Variants in PAPPA2 observed in about 807,000 individuals in gnomAD.
The protein encoded by PAPPA2 is pappalysin-2.
A neutral mutation model predicts 176.4 loss-of-function variants in PAPPA2; 86 were observed. The observed-to-expected ratio is 0.49, with a 90% CI of 0.41 to 0.58. The LOEUF is 0.58. Among genes scored for constraint, PAPPA2 ranks in the 20% least tolerant of loss-of-function variants. The pLI, the probability that PAPPA2 is intolerant of heterozygous loss-of-function variation, is 0.00. For synonymous variants in PAPPA2, 809 were observed against 852.2 expected (o/e 0.95, Z 0.88); for missense variants, 2,073 against 2,256.9 (o/e 0.92, Z 1.65).
At chr1:176,691,789 G>A (rs757017769) in intron 5 of PAPPA2, among the ~76,000 whole-genome samples, 3 of 152,152 alleles carry the variant, frequency 2.0e-5, no homozygotes, top group East Asian at 1.9e-4. Context: ...CTCCACAAAC[G>A]TTCACAAGTG....
intron 21 of PAPPA2, among the ~76,000 whole-genome samples, chr1:176,812,040 C>T (rs2861812): frequency 0.46 from 70,294 of 151,768 alleles, 16,589 homozygotes; most frequent in East Asian, 0.72. Context: ...CCTCTGGAGC[C>T]GTGCTGTGAC....
chr1:176,808,302 G>A (rs1003830406), intron 21 of PAPPA2, among the ~76,000 whole-genome samples: 4 of 152,178 alleles, frequency 2.6e-5, no homozygotes, highest in African/African-American at 9.7e-5. Flanking sequence ...TGCTTCTAAT[G>A]CAAGTGGTCT....
intron 4 of PAPPA2, among the ~76,000 whole-genome samples, chr1:176,684,582 G>A (rs1208546821): frequency 6.6e-6 from 1 of 151,992 alleles, no homozygotes; most frequent in Non-Finnish European, 1.5e-5. Flanking sequence ...TATTTTATCT[G>A]TCATCTGTGT....
intron 1 of PAPPA2, among the ~76,000 whole-genome samples, chr1:176,478,936 G>C (rs2102475710): frequency 6.6e-6 from 1 of 152,300 alleles, no homozygotes; most frequent in South Asian, 2.1e-4. Context: ...GCTGGATCAA[G>C]TTGGATGGAG....
intron 15 of PAPPA2, among the ~76,000 whole-genome samples, chr1:176,769,229 C>CCG (rs1664111774): frequency 6.6e-6 from 1 of 152,204 alleles, no homozygotes; most frequent in Admixed American, 6.5e-5. Flanking sequence ...GCTGCTGACA[C>CCG]TGTGTCCTGG....
chr1:176,721,402 C>G lies in PAPPA2; in HGVS notation c.3798+9421C>G, dbSNP rs192708535. Among the ~76,000 whole-genome samples the G allele has an allele frequency of 6.0e-4, 92 of 152,284 alleles. 1 individual carries two copies. The highest frequency in any genetic ancestry group is 5.1e-4 in the Non-Finnish European group (35 of 68,026). On this transcript the variant is annotated intron_variant, in intron 12 of 22. Coordinates refer to ENST00000367662, the MANE Select transcript of PAPPA2 (RefSeq NM_020318.3). ...CTTTAATCCTTTCTACATTTCTATG[C>G]TTCCACTATTTTTGTTTAGCTTGAG... is the stretch of plus-strand genomic sequence containing the variant.
intron 21 of PAPPA2, among the ~76,000 whole-genome samples, chr1:176,811,171 ATG>A (rs1360144920): frequency 6.6e-6 from 1 of 152,216 alleles, no homozygotes; most frequent in African/African-American, 2.4e-5. Flanking sequence ...TCACTTGAGT[ATG>A]TCTCTATGAA....
At chr1:176,719,966 C>T (rs1175092766) in intron 12 of PAPPA2, among the ~76,000 whole-genome samples, 3 of 152,156 alleles carry the variant, frequency 2.0e-5, no homozygotes, top group Non-Finnish European at 4.4e-5. Context: ...ATTGGTCACC[C>T]ATCATTATTC....
chr1:176,502,687 G>A (rs895751818), intron 1 of PAPPA2, among the ~76,000 whole-genome samples: 1 of 152,192 alleles, frequency 6.6e-6, no homozygotes, highest in African/African-American at 2.4e-5. Context: ...TATGGAAGGT[G>A]TGCATGGCAA....
intron 14 of PAPPA2, among the ~76,000 whole-genome samples, chr1:176,745,513 T>G (rs943688105): frequency 2.0e-5 from 3 of 152,164 alleles, no homozygotes; most frequent in African/African-American, 7.2e-5. Context: ...TTAACCCCAG[T>G]ACCATCCCAT....
At chr1:176,671,340 T>C (rs1658986727) in intron 4 of PAPPA2, among the ~76,000 whole-genome samples, 1 of 152,250 alleles carries the variant, frequency 6.6e-6, no homozygotes, top group Non-Finnish European at 1.5e-5. Flanking sequence ...CAGGATGTTC[T>C]AGACTGAATC....
rs558215338 is a variant in PAPPA2, at chr1:176,508,772, T to A, written c.-917+45354T>A. Among the ~76,000 whole-genome samples the A allele has an allele frequency of 2.6e-5, 4 of 151,892 alleles. No individual in the cohort carries two copies. In the South Asian group the frequency reaches 8.3e-4, roughly 32 times the overall value. ...TGATAGTGAGTGAGTTCTTATGAGA[T>A]CATTTTGTTTAAAAGTGTAACACTG... On this transcript the variant is annotated intron_variant, in intron 1 of 22. Transcript: ENST00000367662.
At chr1:176,584,049 T>C (rs959886886) in intron 2 of PAPPA2, among the ~76,000 whole-genome samples, 3 of 152,128 alleles carry the variant, frequency 2.0e-5, no homozygotes, top group Non-Finnish European at 2.9e-5. Flanking sequence ...CTCGAAAAAA[T>C]ATTGTATTGA....
chr1:176,720,135 A>G (rs912606305), intron 12 of PAPPA2, among the ~76,000 whole-genome samples: 3 of 152,196 alleles, frequency 2.0e-5, no homozygotes, highest in African/African-American at 7.2e-5. Flanking sequence ...ATATTCATCC[A>G]TATGGGAACT....
chr1:176,622,712 A>G (rs1655664241), intron 3 of PAPPA2, among the ~76,000 whole-genome samples: 2 of 152,184 alleles, frequency 1.3e-5, no homozygotes, highest in Admixed American at 6.5e-5. Context: ...TGTGCTTAGT[A>G]TGATATAGTG....
At chr1:176,620,273 T>C (rs1000341450) in intron 3 of PAPPA2, among the ~76,000 whole-genome samples, 4 of 152,142 alleles carry the variant, frequency 2.6e-5, no homozygotes, top group Admixed American at 1.3e-4. Context: ...TTTCAATATA[T>C]ACATTTTTTT....
chr1:176,719,894 T>A (rs1206943310), intron 12 of PAPPA2, among the ~76,000 whole-genome samples: 2 of 152,226 alleles, frequency 1.3e-5, no homozygotes, highest in African/African-American at 4.8e-5. Flanking sequence ...TTAGTTTCTG[T>A]GTGAATGAAA....
intron 1 of PAPPA2, among the ~76,000 whole-genome samples, chr1:176,545,623 A>G (rs1479801611): frequency 6.6e-6 from 1 of 152,112 alleles, no homozygotes; most frequent in Non-Finnish European, 1.5e-5. Context: ...TTATATGCCA[A>G]TACTACATCA....
intron 1 of PAPPA2, among the ~76,000 whole-genome samples, chr1:176,468,447 G>A (rs1651724182): frequency 6.6e-6 from 1 of 152,112 alleles, no homozygotes; most frequent in African/African-American, 2.4e-5. Context: ...AACTCTTTAT[G>A]GATACCTTTC....
Sources: gnomAD v4.1 joint callset for allele counts (sites outside exome capture counted in the v4.1 genomes callset) on GRCh38, gnomAD v4.1.1 for gene constraint, MANE v1.5 for transcripts, NCBI Gene and HGNC (gene_info 2026-07-23, HGNC 2026-07-21) for gene names.